The following LYST variants were observed in gnomAD, a reference collection of about 807,000 sequenced individuals.
LYST encodes the protein lysosomal trafficking regulator, also known as lysosomal-trafficking regulator.
In LYST, 192 loss-of-function variants were observed where a neutral mutation model predicts 413.6. That is an observed-to-expected ratio of 0.46 (90% confidence interval 0.41 to 0.52). The LOEUF is 0.52. LYST is among the 20% of genes least tolerant of loss of function. The pLI is 0.00. For missense variants in LYST, 3,815 were observed against 4,499.9 expected (o/e 0.85, Z 4.35); for synonymous variants, 1,525 against 1,567.3 (o/e 0.97, Z 0.64).
At chr1:235,838,478 C>T (rs1676817411) in intron 1 of LYST, among the ~76,000 whole-genome samples, 2 of 152,170 alleles carry the variant, frequency 1.3e-5, no homozygotes, top group African/African-American at 4.8e-5. Context: ...CTTAGAAAGC[C>T]TACATAGCCT....
chr1:235,707,306 G>T (rs1662067815), intron 44 of LYST, among the ~76,000 whole-genome samples: 1 of 151,840 alleles, frequency 6.6e-6, no homozygotes, highest in African/African-American at 2.4e-5. Flanking sequence ...TCTAAAGTTA[G>T]TCTAGCCAAC....
chr1:235,741,604 T>C lies in LYST; in HGVS notation c.8176A>G (p.Lys2726Glu), dbSNP rs1468321720. 5 of 1,614,024 alleles carry C rather than the reference T, an allele frequency of 3.1e-6. No homozygotes were observed. Among genetic ancestry groups the C allele is most frequent in the Non-Finnish European group, 4.2e-6 (5 of 1,179,908 alleles). ...CACAGAATTTTAGTCCATTGCTGCT[T>C]GGAACCACTGGCTTTACTTGAACCC... ...SIGSSKASGSKQQWTKILWSC... is the reference protein window; with the variant it reads ...SIGSSKASGSEQQWTKILWSC... Residue 2726 changes from lysine (K) to glutamate (E), a missense_variant, in exon 31 of 53, where the codon AAG becomes GAG. Lys to Glu is a moderately conservative substitution (Grantham distance 56). Around this residue, in one of 4 missense-constraint regions of LYST, gnomAD observed 771 missense variants for 837.1 expected, o/e 0.92. Coordinates refer to ENST00000389793, the MANE Select transcript of LYST (RefSeq NM_000081.4).
In LYST at chr1:235,715,073, T is replaced by C. The variant is rs909374067; in HGVS notation, c.9784+128A>G. ...AGGAGCACTTTGGGCAAGGAATAAA[T>C]AGAATTCTTTTTCCTGTAGTTTGAT... On this transcript the variant is annotated intron_variant, in intron 42 of 52. Coordinates refer to ENST00000389793, the MANE Select transcript of LYST (RefSeq NM_000081.4). The C allele has an allele frequency of 5.8e-5, 51 of 881,468 alleles. No individual in the cohort carries two copies. The African/African-American group carries it at 8.1e-4, about 14-fold the overall frequency. The allele number at this position is 881,468 out of a possible 1,614,324, so 54.6% of individuals were successfully genotyped here.
Position 235,669,679 on chromosome 1 carries a change from C to T in LYST, c.11039-5058G>A, listed in dbSNP as rs113440893. Among the ~76,000 whole-genome samples the T allele has an allele frequency of 4.1e-3, 619 of 152,302 alleles. 3 individuals are homozygous for T. The highest frequency in any genetic ancestry group is 0.014 in the African/African-American group (578 of 41,570). On this transcript the variant is annotated intron_variant, in intron 50 of 52. Coordinates refer to ENST00000389793, the MANE Select transcript of LYST (RefSeq NM_000081.4). Reference sequence around the variant, plus strand: ...CATAAAGTGGCCAATGGGAAACCTCCGCAGGGTATTTGTACCCAAGAAGAT... The same window carrying T: ...CATAAAGTGGCCAATGGGAAACCTCTGCAGGGTATTTGTACCCAAGAAGAT...
chr1:235,867,081 T>C (rs1290017604), upstream of LYST, among the ~76,000 whole-genome samples: 2 of 152,014 alleles, frequency 1.3e-5, no homozygotes, highest in Non-Finnish European at 2.9e-5. Flanking sequence ...AGCGCCGGCG[T>C]CGCAGGCGTG....
chr1:235,865,134 C>T (rs535109367), intron 1 of LYST, among the ~76,000 whole-genome samples: 1 of 152,214 alleles, frequency 6.6e-6, no homozygotes, highest in East Asian at 1.9e-4. Context: ...CAAACAAGCC[C>T]AGCACACAGG....
chr1:235,805,793 G>C lies in LYST; in HGVS notation c.3343C>G (p.His1115Asp). ...TTCTGTTGACTAGTTCTGGCACCAT[G>C]AAGACAAATGGCCAGAAGGGCTTCC... is the stretch of plus-strand genomic sequence containing the variant. Reference protein sequence around the residue: ...LLEALLAICLHGARTSQQKME... With the variant: ...LLEALLAICLDGARTSQQKME... The change falls in exon 6 of 53, where the codon CAT becomes GAT. Residue 1115 changes from histidine (H) to aspartate (D), a missense_variant. Physicochemically the swap from His to Asp is moderately conservative, Grantham distance 81. Around this residue, in one of 4 missense-constraint regions of LYST, gnomAD observed 1,648 missense variants for 1,810.3 expected, o/e 0.91. Coordinates refer to ENST00000389793, the MANE Select transcript of LYST (RefSeq NM_000081.4). The C allele has an allele frequency of 6.2e-7, 1 of 1,613,572 alleles. No homozygotes were observed.
At position 235,702,900 on chromosome 1, in the gene LYST, G is replaced by A. The variant is rs146457386; in HGVS notation, c.10221C>T (p.Tyr3407=). The A allele has an allele frequency of 1.5e-4, 249 of 1,614,036 alleles. No homozygotes were observed. The highest frequency in any genetic ancestry group is 1.9e-4 in the Non-Finnish European group (220 of 1,180,032). ...GGAACAGCTGACGGGGAGTCTGCCC[G>A]TAGGTTTTTATCATGGTTTCTAGCG... ...RRALETMIKT[Y]GQTPRQLFHM... is the part of the protein sequence containing the mutation. Residue 3407 remains tyrosine, a synonymous_variant, in exon 45 of 53, where the codon TAC becomes TAT. Coordinates refer to ENST00000389793, the MANE Select transcript of LYST (RefSeq NM_000081.4).
intron 41 of LYST, 100 bp downstream of exon 41, chr1:235,716,611 TA>T: frequency 1.4e-6 from 1 of 737,526 alleles, no homozygotes; most frequent in South Asian, 1.6e-5. Flanking sequence ...TACAAGAAGG[TA>T]AAAAATCCAT....
At position 235,712,123 on chromosome 1, in the gene LYST, T is replaced by C. The variant is rs1282648422; in HGVS notation, c.9859A>G (p.Met3287Val). The change falls in exon 43 of 53, where the codon ATG becomes GTG. Residue 3287 changes from methionine to valine, a missense_variant. Around this residue, in one of 4 missense-constraint regions of LYST, gnomAD observed 866 missense variants for 1,156.0 expected, o/e 0.75. Transcript: ENST00000389793. ...GGGATAAGTTCTTTCACATCAGTCA[T>C]AGATTCAAAAGATGAGAGTCGCCAA... ...TTWRLSSFES[M>V]TDVKELIPEF... 4.5e-6 allele frequency: 7 copies of C among 1,572,528 alleles called. No individual in the cohort carries two copies. The highest frequency in any genetic ancestry group is 6.1e-6 in the Non-Finnish European group (7 of 1,154,216).
At chr1:235,765,227 T>G (rs946598662) in intron 21 of LYST, among the ~76,000 whole-genome samples, 3 of 152,222 alleles carry the variant, frequency 2.0e-5, no homozygotes, top group African/African-American at 7.2e-5. Context: ...AAAGCCATTA[T>G]CCTTTTTCCT....
chr1:235,672,530 G>A (rs574092452), intron 50 of LYST, among the ~76,000 whole-genome samples: 1 of 152,218 alleles, frequency 6.6e-6, no homozygotes, highest in Admixed American at 6.5e-5. Flanking sequence ...CTAGAAAAAA[G>A]CAACTTTGGC....
chr1:235,845,883 C>G (rs887302835), intron 1 of LYST, among the ~76,000 whole-genome samples: 11 of 152,054 alleles, frequency 7.2e-5, no homozygotes, highest in African/African-American at 2.7e-4. Flanking sequence ...CCACCCCCAC[C>G]TGATGGTCCT....
At chr1:235,802,193 CAAAAAAAAA>C (rs35511208) in intron 8 of LYST, among the ~76,000 whole-genome samples, 28 of 45,072 alleles carry the variant, frequency 6.2e-4, no homozygotes, top group African/African-American at 1.8e-3. Context: ...GACTCCATTT[CAAAAAAAAA>C]AAAAAAAAAA....
At chr1:235,852,064 G>T (rs1678603093) in intron 1 of LYST, among the ~76,000 whole-genome samples, 1 of 152,138 alleles carries the variant, frequency 6.6e-6, no homozygotes, top group Admixed American at 6.5e-5. Context: ...TACTGAACTT[G>T]CTTCTCTGAA....
intron 48 of LYST, among the ~76,000 whole-genome samples, chr1:235,683,171 A>G (rs12058499): frequency 0.081 from 12,283 of 152,274 alleles, 1,612 homozygotes; most frequent in African/African-American, 0.28. Context: ...ACTTTGAAAT[A>G]ACTGCAAAGG....
In LYST at chr1:235,806,478, C is replaced by T. The variant is rs1326042153; in HGVS notation, c.2658G>A (p.Arg886=). The T allele has an allele frequency of 6.2e-7, 1 of 1,614,066 alleles. No homozygotes were observed. The highest frequency in any genetic ancestry group is 8.5e-7 in the Non-Finnish European group (1 of 1,180,000). The change falls in exon 6 of 53, where the codon CGG becomes CGA. Residue 886 remains arginine, a synonymous_variant. Coordinates refer to ENST00000389793, the MANE Select transcript of LYST (RefSeq NM_000081.4). ...TATGAACATCTTGGTTAACAGTCTTCCGTCTCTTTGGATAAGCTTCTTTGA... is the reference window on the plus strand; with the variant it reads ...TATGAACATCTTGGTTAACAGTCTTTCGTCTCTTTGGATAAGCTTCTTTGA... ...AGLKEAYPKR[R]KTVNQDVHIN...
intron 19 of LYST, among the ~76,000 whole-genome samples, 171 bp downstream of exon 19, chr1:235,773,671 G>A (rs532342918): frequency 8.5e-5 from 13 of 152,252 alleles, no homozygotes; most frequent in African/African-American, 3.1e-4. Context: ...CAAAGTTTTG[G>A]TTTTACAAAA....
intron 1 of LYST, among the ~76,000 whole-genome samples, chr1:235,866,188 A>T (rs1488903829): frequency 2.0e-5 from 3 of 152,166 alleles, no homozygotes; most frequent in African/African-American, 7.2e-5. Flanking sequence ...TCAGAAGCGA[A>T]GGGGCATCTC....
Sources: gnomAD v4.1 joint callset for allele counts (sites outside exome capture counted in the v4.1 genomes callset) on GRCh38, gnomAD v4.1.1 for gene constraint, gnomAD v4.1.1 regional missense constraint, MANE v1.5 for transcripts, NCBI Gene and HGNC (gene_info 2026-07-23, HGNC 2026-07-21) for gene names.